Variants in PCSK2 observed in about 807,000 individuals in gnomAD.
PCSK2 encodes proprotein convertase subtilisin/kexin type 2.
In PCSK2, 14 loss-of-function variants were observed where a neutral mutation model predicts 69.7. The ratio of observed to expected loss-of-function variants is 0.20; its 90% CI spans 0.13 to 0.31. The LOEUF (loss-of-function observed/expected upper bound fraction) is 0.31. PCSK2 is among the 10% of genes least tolerant of loss of function. The probability of loss-of-function intolerance (pLI) is 1.00; values close to 1 mark genes in which losing one functional copy is unlikely to be tolerated. For synonymous variants in PCSK2, 307 were observed against 320.7 expected, an observed-to-expected ratio of 0.96 and a Z score of 0.46; for missense variants, 544 against 842.5, an observed-to-expected ratio of 0.65 and a Z score of 4.39.
At chr20:17,437,755 G>A (rs1366001673) in intron 8 of PCSK2, among the ~76,000 whole-genome samples, 1 of 152,208 alleles carries the variant, frequency 6.6e-6, no homozygotes, top group Non-Finnish European at 1.5e-5. Flanking sequence ...TACTACGCTT[G>A]GGATGCTCTG....
At chr20:17,438,521 G>T (rs79250788) in intron 8 of PCSK2, among the ~76,000 whole-genome samples, 6,305 of 152,228 alleles carry the variant, frequency 0.041, 128 homozygotes, top group Middle Eastern at 0.13. Flanking sequence ...CTGTTCAGGG[G>T]GCAGGTATGG....
intron 11 of PCSK2, among the ~76,000 whole-genome samples, chr20:17,477,070 A>G (rs549551321): frequency 6.6e-6 from 1 of 152,338 alleles, no homozygotes; most frequent in African/African-American, 2.4e-5. Context: ...TCCTCCAGAG[A>G]GTATTAATGA....
At chr20:17,440,450 T>C (rs904870105) in intron 8 of PCSK2, among the ~76,000 whole-genome samples, 6 of 152,162 alleles carry the variant, frequency 3.9e-5, no homozygotes, top group Non-Finnish European at 8.8e-5. Flanking sequence ...CTGTATTTCC[T>C]CATCAGACAA....
At chr20:17,347,892 GAAA>G (rs1990712867) in intron 2 of PCSK2, among the ~76,000 whole-genome samples, 5 of 7,820 alleles carry the variant, frequency 6.4e-4, no homozygotes, top group Non-Finnish European at 1.0e-3. Flanking sequence ...AAGAAAGAAA[GAAA>G]GAAAGAAAGA....
chr20:17,300,586 G>A (rs1183809017), intron 2 of PCSK2, among the ~76,000 whole-genome samples: 1 of 152,192 alleles, frequency 6.6e-6, no homozygotes, highest in Non-Finnish European at 1.5e-5. Context: ...TGTCCAACTC[G>A]CTGTCTCTCT....
chr20:17,460,301 AC>A (rs1420847747), intron 10 of PCSK2, among the ~76,000 whole-genome samples: 1 of 151,980 alleles, frequency 6.6e-6, no homozygotes, highest in Non-Finnish European at 1.5e-5. Context: ...AAAGAAGGAA[AC>A]CAGCTGAGTC....
rs1178725427 is a variant in PCSK2 at position 17,260,363 on chromosome 20, C to T, written c.282+19C>T. On this transcript the variant is annotated intron_variant, in intron 2 of 11. Transcript: ENST00000262545. ...CCCCAGGGTGAGTTTTCCCCAGAAA[C>T]CTGCCTCCCAATCTCTGCTGCCATG... The T allele has an allele frequency of 6.5e-7, 1 of 1,532,430 alleles. No individual in the cohort carries two copies. The highest frequency in any genetic ancestry group is 1.1e-5 in the South Asian group (1 of 89,444). The allele number at this position is 1,532,430 out of a possible 1,614,324, so 94.9% of individuals were successfully genotyped here.
chr20:17,481,488 G>A, intron 11 of PCSK2, 96 bp from the exon 12 acceptor site: 1 of 1,052,418 alleles, frequency 9.5e-7, no homozygotes, highest in African/African-American at 1.6e-5. Flanking sequence ...CAACCCCAAA[G>A]CCCTTGCCCT....
chr20:17,352,193 G>T (rs912155469), intron 2 of PCSK2, among the ~76,000 whole-genome samples: 17 of 152,112 alleles, frequency 1.1e-4, no homozygotes, highest in African/African-American at 4.1e-4. Context: ...GCTGAAAAAA[G>T]TCATAGATGA....
rs372965651 is a variant in PCSK2, at chr20:17,453,786, C to T, written c.930C>T (p.Asp310=). The T allele has an allele frequency of 1.2e-5, 19 of 1,613,882 alleles. No homozygotes were observed. The highest frequency in any genetic ancestry group is 3.3e-5 in the Admixed American group (2 of 60,012). ...KGSIYVWASG[D]GGSYDDCNCD... is the part of the protein sequence containing the mutation. The stretch of plus-strand genomic sequence containing the variant: ...GCATCTACGTGTGGGCCTCCGGGGA[C>T]GGCGGCAGCTATGACGACTGCAACT... The change falls in exon 9 of 12, where the codon GAC becomes GAT. Residue 310 remains aspartate (D), a synonymous_variant. Transcript: ENST00000262545. This position sits in a 1 kb window ranked among gnomAD's most constrained non-coding sequence, Gnocchi z 4.0.
chr20:17,257,245 C>T (rs112395267), intron 1 of PCSK2, among the ~76,000 whole-genome samples: 2,596 of 152,140 alleles, frequency 0.017, 64 homozygotes, highest in African/African-American at 0.057. Context: ...CCAGTGAGAA[C>T]GGTGATCATT....
At chr20:17,409,379 T>C (rs895362942) in intron 6 of PCSK2, 40 bp downstream of exon 6, 66 of 1,374,816 alleles carry the variant, frequency 4.8e-5, no homozygotes, top group African/African-American at 2.0e-4. Flanking sequence ...CTTTAGGCTT[T>C]GGGGTTTTAT....
chr20:17,227,866 C>G (rs1486063935), intron 1 of PCSK2, among the ~76,000 whole-genome samples: 1 of 152,062 alleles, frequency 6.6e-6, no homozygotes, highest in East Asian at 1.9e-4. Flanking sequence ...GGAAGTCTCC[C>G]CCACCCCCAT....
intron 11 of PCSK2, among the ~76,000 whole-genome samples, chr20:17,468,860 T>C (rs552577759): frequency 3.9e-5 from 6 of 152,392 alleles, no homozygotes; most frequent in African/African-American, 1.4e-4. Flanking sequence ...CATCTTCCCA[T>C]GAGTGAGCAT....
intron 11 of PCSK2, among the ~76,000 whole-genome samples, chr20:17,466,934 G>A (rs189644179): frequency 8.2e-4 from 125 of 152,274 alleles, no homozygotes; most frequent in Non-Finnish European, 1.3e-3. Flanking sequence ...TGTGAGATTC[G>A]TCCAGGTCAC....
intron 5 of PCSK2, among the ~76,000 whole-genome samples, chr20:17,396,930 G>T (rs1283282665): frequency 6.6e-6 from 1 of 152,178 alleles, no homozygotes; most frequent in East Asian, 1.9e-4. Context: ...CTGGAACAAG[G>T]CTGGGAGAAT....
chr20:17,248,405 G>A (rs932511813), intron 1 of PCSK2, among the ~76,000 whole-genome samples: 2 of 152,136 alleles, frequency 1.3e-5, no homozygotes, highest in Non-Finnish European at 2.9e-5. Flanking sequence ...GGTCTGTGTA[G>A]GCAGCAAGTA....
intron 2 of PCSK2, among the ~76,000 whole-genome samples, chr20:17,275,036 A>C (rs890867695): frequency 6.6e-6 from 1 of 150,500 alleles, no homozygotes; most frequent in African/African-American, 2.4e-5. Flanking sequence ...TAGGAACCAT[A>C]ATCATTAGGA....
intron 7 of PCSK2, among the ~76,000 whole-genome samples, 161 bp from the exon 8 acceptor site, chr20:17,436,547 C>G (rs988878130): frequency 6.6e-6 from 1 of 152,196 alleles, no homozygotes; most frequent in Non-Finnish European, 1.5e-5. Flanking sequence ...CCAGTAGGAC[C>G]GTCTGTGCCT....
Sources: gnomAD v4.1 joint callset for allele counts (sites outside exome capture counted in the v4.1 genomes callset) on GRCh38, gnomAD v4.1.1 for gene constraint, Gnocchi (gnomAD v3.1) non-coding constraint, MANE v1.5 for transcripts, NCBI Gene and HGNC (gene_info 2026-07-23, HGNC 2026-07-21) for gene names.